CNTNAP2: variants seen among roughly 807,000 people sequenced by gnomAD.
CNTNAP2 encodes contactin-associated protein-like 2.
Under a neutral mutation model 155.2 loss-of-function variants are expected in CNTNAP2, and 98 were observed. That is an observed-to-expected ratio of 0.63 (90% CI 0.54 to 0.75). The LOEUF (loss-of-function observed/expected upper bound fraction) is 0.75, where lower values mean the gene tolerates loss of function less well. Among genes scored for constraint, CNTNAP2 ranks in the 30% least tolerant of loss-of-function variants. The probability of loss-of-function intolerance (pLI) is 0.00; values close to 1 mark genes in which losing one functional copy is unlikely to be tolerated. For missense variants in CNTNAP2, 1,727 were observed against 1,688.1 expected, an observed-to-expected ratio of 1.02 and a Z score of -0.40; for synonymous variants, 651 against 631.2, an observed-to-expected ratio of 1.03 and a Z score of -0.47.
At chr7:147,273,748 T>TATGTAATATATATTTTATAC (rs567233749) in intron 8 of CNTNAP2, among the ~76,000 whole-genome samples, 1,539 of 143,334 alleles carry the variant, frequency 0.011, 29 homozygotes, top group African/African-American at 0.039. Flanking sequence ...ATATTTTATA[T>TATGTAATATATATTTTATAC]ATGTAATATA....
At chr7:146,137,527 C>T (rs932488816) in intron 1 of CNTNAP2, among the ~76,000 whole-genome samples, 6 of 151,934 alleles carry the variant, frequency 3.9e-5, no homozygotes, top group East Asian at 1.9e-4. Context: ...TGCTTGATTA[C>T]GCTGTACTAG....
At chr7:147,065,569 A>T (rs1312546685) in intron 4 of CNTNAP2, among the ~76,000 whole-genome samples, 1 of 152,152 alleles carries the variant, frequency 6.6e-6, no homozygotes, top group Non-Finnish European at 1.5e-5. Context: ...ACAGATTTGA[A>T]CCTACATGTC....
At position 148,408,089 on chromosome 7, in the gene CNTNAP2, A is replaced by G. The variant is rs535643542; in HGVS notation, c.3716-1302A>G. Among the ~76,000 whole-genome samples, 10 of 152,162 alleles carry G rather than the reference A, an allele frequency of 6.6e-5. No individual in the cohort carries two copies. The East Asian group carries it at 1.9e-3, about 29-fold the overall frequency. ...GTGAAACCCTGTCTCTACTAAAAAT[A>G]CAAAAATTAGCCAGGCATGGTGGCA... On this transcript the variant is annotated intron_variant, in intron 22 of 23. Coordinates refer to ENST00000361727, the MANE Select transcript of CNTNAP2 (RefSeq NM_014141.6).
chr7:147,859,543 GT>G (rs3214350), intron 13 of CNTNAP2, among the ~76,000 whole-genome samples: 70,356 of 151,594 alleles, frequency 0.46, 16,509 homozygotes, highest in East Asian at 0.56. Flanking sequence ...AAACCAGAGA[GT>G]TAACATATTT....
chr7:147,969,644 T>C lies in CNTNAP2; in HGVS notation c.2256-8218T>C, dbSNP rs79746391. On this transcript the variant is annotated intron_variant, in intron 14 of 23. Transcript: ENST00000361727. ...TTAGTAGAGACTTGGACAGAGGGCA[T>C]GTAGCAGAGAGGATACAGAAAGATG... 1.1e-4 allele frequency among the ~76,000 whole-genome samples: 17 copies of C among 152,248 alleles called. No homozygotes were observed. In the East Asian group the frequency reaches 3.1e-3, roughly 28 times the overall value.
rs897823965 is a variant in CNTNAP2 at position 148,117,857 on chromosome 7, T to C, written c.2384-261T>C. On this transcript the variant is annotated intron_variant, in intron 15 of 23. Coordinates refer to ENST00000361727, the MANE Select transcript of CNTNAP2 (RefSeq NM_014141.6). The stretch of plus-strand genomic sequence containing the variant: ...TGTACAATTTATAGAAATTCTATAT[T>C]AATATTTAATTTTATATAGATTGTA... Among the ~76,000 whole-genome samples, 7 of 150,210 alleles carry C rather than the reference T, an allele frequency of 4.7e-5. No homozygotes were observed. The South Asian group carries it at 1.2e-3, about 27-fold the overall frequency.
chr7:146,281,428 A>G (rs957379233), intron 1 of CNTNAP2, among the ~76,000 whole-genome samples: 1 of 152,222 alleles, frequency 6.6e-6, no homozygotes, highest in African/African-American at 2.4e-5. Flanking sequence ...TAACAAAAAT[A>G]TATTGAAATT....
intron 13 of CNTNAP2, among the ~76,000 whole-genome samples, chr7:147,725,973 G>A (rs142900357): frequency 0.011 from 1,716 of 152,018 alleles, 95 homozygotes; most frequent in Admixed American, 0.087. Flanking sequence ...CACAAGGGAT[G>A]TTTTCTTTTT....
chr7:147,916,913 C>T (rs891134216), intron 14 of CNTNAP2, among the ~76,000 whole-genome samples: 5 of 152,192 alleles, frequency 3.3e-5, no homozygotes, highest in African/African-American at 1.2e-4. Context: ...ATGATGCTCG[C>T]TCACTTGTAG....
intron 1 of CNTNAP2, among the ~76,000 whole-genome samples, chr7:146,544,654 G>A (rs918778141): frequency 2.0e-5 from 3 of 151,914 alleles, no homozygotes; most frequent in Non-Finnish European, 4.4e-5. Context: ...TAGGAAATTA[G>A]AGTCTATATT....
intron 3 of CNTNAP2, among the ~76,000 whole-genome samples, chr7:146,968,706 T>G (rs1476641183): frequency 6.6e-6 from 1 of 152,016 alleles, no homozygotes; most frequent in Admixed American, 6.6e-5. Flanking sequence ...TCTCTTTTCT[T>G]CTTTATTAGT....
chr7:148,275,651 T>C (rs924537446), intron 21 of CNTNAP2, among the ~76,000 whole-genome samples: 10 of 152,304 alleles, frequency 6.6e-5, no homozygotes, highest in Non-Finnish European at 1.3e-4. Flanking sequence ...CAGGAGCTCT[T>C]TGGGGCCACG....
intron 1 of CNTNAP2, among the ~76,000 whole-genome samples, chr7:146,542,092 A>T (rs1457288505): frequency 2.6e-5 from 4 of 151,966 alleles, no homozygotes; most frequent in Admixed American, 1.3e-4. Flanking sequence ...AGCCAGGGAA[A>T]GTCAGGCAGG....
In CNTNAP2 at chr7:147,925,290, G is replaced by GCA. The variant is rs1307504369; in HGVS notation, c.2255+21570_2255+21571insAC. 1.7e-4 allele frequency among the ~76,000 whole-genome samples: 12 copies of GCA among 68,958 alleles called. 1 individual carries two copies. The highest frequency in any genetic ancestry group is 1.1e-3 in the South Asian group (2 of 1,886). The allele number at this position is 68,958 out of a possible 152,430, so 45.2% of individuals were successfully genotyped here. ...TGCAGACAAACACACACAAGCGCGCGCGCACACACACACACACACACACAC... is the reference window on the plus strand; with the variant it reads ...TGCAGACAAACACACACAAGCGCGCGCACGCACACACACACACACACACACAC... On this transcript the variant is annotated intron_variant, in intron 14 of 23. Coordinates refer to ENST00000361727, the MANE Select transcript of CNTNAP2 (RefSeq NM_014141.6).
intron 1 of CNTNAP2, among the ~76,000 whole-genome samples, chr7:146,546,674 G>A (rs1257035398): frequency 6.6e-6 from 1 of 151,834 alleles, no homozygotes; most frequent in Non-Finnish European, 1.5e-5. Flanking sequence ...GAGATGTAAT[G>A]GACTCACAGT....
At chr7:146,404,149 A>T (rs902395236) in intron 1 of CNTNAP2, among the ~76,000 whole-genome samples, 1 of 150,898 alleles carries the variant, frequency 6.6e-6, no homozygotes, top group Non-Finnish European at 1.5e-5. Flanking sequence ...AAAACAAAGA[A>T]CTTGGCCTCT....
intron 1 of CNTNAP2, among the ~76,000 whole-genome samples, chr7:146,359,275 G>C (rs1795047666): frequency 6.6e-6 from 1 of 152,170 alleles, no homozygotes; most frequent in South Asian, 2.1e-4. Flanking sequence ...AACCTCTCAA[G>C]GCTTTCAAAA....
At chr7:147,423,946 C>T (rs568932958) in intron 10 of CNTNAP2, among the ~76,000 whole-genome samples, 28 of 152,322 alleles carry the variant, frequency 1.8e-4, no homozygotes, top group Non-Finnish European at 2.8e-4. Flanking sequence ...TCTTTCCTAA[C>T]ACTTGCTCAG....
chr7:147,731,951 G>A (rs118162961), intron 13 of CNTNAP2, among the ~76,000 whole-genome samples: 3,009 of 152,260 alleles, frequency 0.02, 47 homozygotes, highest in Non-Finnish European at 0.03. Context: ...TTTTGAGCCT[G>A]AAGGTGTGAC....
Sources: allele counts gnomAD v4.1 joint callset (sites outside exome capture counted in the v4.1 genomes callset), GRCh38; gene constraint gnomAD v4.1.1; transcripts MANE v1.5; gene names NCBI Gene and HGNC (gene_info 2026-07-23, HGNC 2026-07-21).